The following RALGPS1 variants were observed in gnomAD, a reference collection of about 807,000 sequenced individuals.
The protein encoded by RALGPS1 is Ral GEF with PH domain and SH3 binding motif 1.
In RALGPS1, 19 loss-of-function variants were observed where a neutral mutation model predicts 78.8. The ratio of observed to expected loss-of-function variants is 0.24; its 90% CI spans 0.17 to 0.35. The LOEUF is 0.35. RALGPS1 is among the 10% of genes least tolerant of loss of function. The probability of loss-of-function intolerance (pLI) is 1.00; values close to 1 mark genes in which losing one functional copy is unlikely to be tolerated. For missense variants in RALGPS1, 454 were observed against 688.3 expected, an observed-to-expected ratio of 0.66 and a Z score of 3.81; for synonymous variants, 228 against 256.3, an observed-to-expected ratio of 0.89 and a Z score of 1.06.
At chr9:127,078,707 T>C (rs2050900255) in intron 8 of RALGPS1, among the ~76,000 whole-genome samples, 1 of 152,192 alleles carries the variant, frequency 6.6e-6, no homozygotes, top group South Asian at 2.1e-4. Context: ...AGAAGTTGTG[T>C]CTGACCCTGC....
intron 1 of RALGPS1, among the ~76,000 whole-genome samples, chr9:126,932,123 T>C (rs1260334882): frequency 1.3e-5 from 2 of 152,160 alleles, no homozygotes; most frequent in Admixed American, 1.3e-4. Flanking sequence ...CCAACTCACA[T>C]TGGGTCTGTG....
intron 1 of RALGPS1, among the ~76,000 whole-genome samples, chr9:126,932,033 G>A (rs960051185): frequency 6.6e-5 from 10 of 151,500 alleles, no homozygotes; most frequent in African/African-American, 1.5e-4. Flanking sequence ...AGGCTGTTAC[G>A]TTGGAAACAA....
intron 11 of RALGPS1, among the ~76,000 whole-genome samples, chr9:127,193,794 T>C (rs533718144): frequency 1.3e-5 from 2 of 152,192 alleles, no homozygotes; most frequent in South Asian, 2.1e-4. Context: ...CTTGATCTGC[T>C]CTGCATTTGG....
At chr9:127,165,610 T>C (rs572470726) in intron 8 of RALGPS1, among the ~76,000 whole-genome samples, 2 of 152,326 alleles carry the variant, frequency 1.3e-5, no homozygotes, top group South Asian at 4.1e-4. Context: ...TCTTAGTTAA[T>C]GTATGGTGAG....
At chr9:126,984,759 T>A (rs1368854849) in intron 4 of RALGPS1, among the ~76,000 whole-genome samples, 1 of 152,224 alleles carries the variant, frequency 6.6e-6, no homozygotes, top group Non-Finnish European at 1.5e-5. Flanking sequence ...TCCCTGCTTT[T>A]TGGCCCAACA....
chr9:127,114,643 C>G (rs913258236), intron 8 of RALGPS1, among the ~76,000 whole-genome samples: 12 of 152,228 alleles, frequency 7.9e-5, no homozygotes, highest in African/African-American at 2.7e-4. Context: ...CACCCGTCCT[C>G]TGGTCAGCAC....
At chr9:127,037,937 T>C (rs937782028) in intron 5 of RALGPS1, among the ~76,000 whole-genome samples, 2 of 152,204 alleles carry the variant, frequency 1.3e-5, no homozygotes, top group Admixed American at 6.5e-5. Flanking sequence ...GGACTGAGAA[T>C]GGAGAAGGGG....
chr9:127,066,880 A>T (rs1018675910), intron 7 of RALGPS1, among the ~76,000 whole-genome samples: 1 of 152,180 alleles, frequency 6.6e-6, no homozygotes, highest in African/African-American at 2.4e-5. Flanking sequence ...TGGCGCAATC[A>T]AGACTCACTA....
intron 8 of RALGPS1, among the ~76,000 whole-genome samples, chr9:127,150,950 G>C (rs1412979351): frequency 6.6e-6 from 1 of 152,126 alleles, no homozygotes; most frequent in Non-Finnish European, 1.5e-5. Flanking sequence ...TTGGGAGACC[G>C]AGGCGGGCGG....
intron 4 of RALGPS1, among the ~76,000 whole-genome samples, chr9:127,024,616 A>C (rs2045804813): frequency 6.6e-6 from 1 of 152,094 alleles, no homozygotes; most frequent in Non-Finnish European, 1.5e-5. Context: ...GCCAAGTACT[A>C]TGCCAGGATT....
At chr9:126,999,326 C>T in intron 4 of RALGPS1, among the ~76,000 whole-genome samples, 1 of 152,154 alleles carries the variant, frequency 6.6e-6, no homozygotes, top group East Asian at 1.9e-4. Flanking sequence ...TACACTGATA[C>T]AGCATCATCA....
At chr9:127,121,414 A>G (rs2056071741) in intron 8 of RALGPS1, among the ~76,000 whole-genome samples, 1 of 152,218 alleles carries the variant, frequency 6.6e-6, no homozygotes. Flanking sequence ...CGGCTTTGGA[A>G]GTGGCATTCT....
At chr9:127,181,564 A>T (rs549027484) in intron 11 of RALGPS1, among the ~76,000 whole-genome samples, 1 of 152,236 alleles carries the variant, frequency 6.6e-6, no homozygotes, top group Non-Finnish European at 1.5e-5. Flanking sequence ...GTCACTTTTG[A>T]GTCACACATT....
chr9:127,123,013 G>C (rs1209220763), intron 8 of RALGPS1: 1 of 152,344 alleles, frequency 6.6e-6, no homozygotes, highest in East Asian at 1.9e-4. Flanking sequence ...GTTTAGATCC[G>C]CTCCAGCTGT....
intron 8 of RALGPS1, among the ~76,000 whole-genome samples, chr9:127,147,944 A>T (rs1345096143): frequency 1.3e-5 from 2 of 152,328 alleles, no homozygotes; most frequent in East Asian, 3.9e-4. Flanking sequence ...ATTAAGATTC[A>T]GATAAGGTAA....
intron 1 of RALGPS1, among the ~76,000 whole-genome samples, chr9:126,946,242 C>T (rs2037254091): frequency 6.6e-6 from 1 of 152,120 alleles, no homozygotes; most frequent in Non-Finnish European, 1.5e-5. Flanking sequence ...TTCCCTGGAT[C>T]CTGATTAAGA....
chr9:127,104,332 C>T (rs1269490336), intron 8 of RALGPS1, among the ~76,000 whole-genome samples: 1 of 152,210 alleles, frequency 6.6e-6, no homozygotes, highest in Non-Finnish European at 1.5e-5. Context: ...AAATGTGTGG[C>T]TCTGCCTTGG....
chr9:127,195,351 G>A (rs2061300197), intron 12 of RALGPS1, 134 bp downstream of exon 12: 4 of 1,261,734 alleles, frequency 3.2e-6, no homozygotes, highest in Non-Finnish European at 4.3e-6. Context: ...AGAGCTCTTG[G>A]AATCCTGGCC....
chr9:127,095,967 T>A (rs1024701371), intron 8 of RALGPS1, among the ~76,000 whole-genome samples: 1 of 152,190 alleles, frequency 6.6e-6, no homozygotes, highest in Non-Finnish European at 1.5e-5. Context: ...GTTTGGGTGC[T>A]GACACTTAAC....
Sources: gnomAD v4.1 joint callset for allele counts (sites outside exome capture counted in the v4.1 genomes callset) on GRCh38, gnomAD v4.1.1 for gene constraint, MANE v1.5 for transcripts, NCBI Gene and HGNC (gene_info 2026-07-23, HGNC 2026-07-21) for gene names.